The following SLC7A5 variants were observed in gnomAD, a reference collection of about 807,000 sequenced individuals.
The protein encoded by SLC7A5 is solute carrier family 7 member 5.
A neutral mutation model predicts 50.2 loss-of-function variants in SLC7A5; 23 were observed. The ratio of observed to expected loss-of-function variants is 0.46; its 90% confidence interval spans 0.33 to 0.65. SLC7A5 has a LOEUF of 0.65. Among genes scored for constraint, SLC7A5 ranks in the 30% least tolerant of loss-of-function variants. SLC7A5 has a pLI of 0.02. For synonymous variants in SLC7A5, 393 were observed against 330.6 expected (o/e 1.19, Z -2.05); for missense variants, 578 against 684.4 (o/e 0.84, Z 1.73).
intron 4 of SLC7A5, 37 bp downstream of exon 4, chr16:87,840,392 A>G (rs772434268): frequency 5.7e-6 from 9 of 1,573,134 alleles, no homozygotes; most frequent in Non-Finnish European, 7.9e-6. Flanking sequence ...ACATTAAAAT[A>G]ATGAAAAAAG....
Position 87,833,462 on chromosome 16 carries a change from T to TCG in SLC7A5, c.1469-439_1469-438dup, listed in dbSNP as rs2054957554. On this transcript the variant is annotated intron_variant, in intron 9 of 9. Coordinates refer to ENST00000261622, the MANE Select transcript of SLC7A5 (RefSeq NM_003486.7). The surrounding 1 kb of genome is among the most constrained non-coding windows in gnomAD (Gnocchi z 6.0). ...TGCTAACGGGTCCTCGGAAGACCTG[T>TCG]CGCGCCTGGGACTGTCTACAGAGAC... Among the ~76,000 whole-genome samples, 1 of 152,150 alleles carries TCG rather than the reference T, an allele frequency of 6.6e-6. No individual in the cohort carries two copies. Among genetic ancestry groups the TCG allele is most frequent in the African/African-American group, 2.4e-5 (1 of 41,432 alleles).
chr16:87,833,191 T>C lies in SLC7A5; in HGVS notation c.1469-166A>G, dbSNP rs1161654168. 1.3e-5 allele frequency among the ~76,000 whole-genome samples: 2 copies of C among 152,224 alleles called. No homozygotes were observed. The highest frequency in any genetic ancestry group is 4.8e-5 in the African/African-American group (2 of 41,460). The stretch of plus-strand genomic sequence containing the variant: ...TCCCTTGTGTACTTGCGCATGTGGG[T>C]GCCGGGTGCCCGAGGCGCTGTCTTC... On this transcript the variant is annotated intron_variant, in intron 9 of 9. Transcript: ENST00000261622. The surrounding 1 kb of genome is among the most constrained non-coding windows in gnomAD (Gnocchi z 6.0).
chr16:87,833,066 G>C lies in SLC7A5; in HGVS notation c.1469-41C>G, dbSNP rs757669717. The C allele has an allele frequency of 5.1e-6, 8 of 1,575,538 alleles. No homozygotes were observed. The South Asian group carries it at 7.7e-5, about 15-fold the overall frequency. ...ACAGCTGTGTTAGCCTGGGGGCTGG[G>C]TAGGCACCCGTGGGACACGGGGGCG... On this transcript the variant is annotated intron_variant, in intron 9 of 9. Transcript: ENST00000261622. This position sits in a 1 kb window ranked among gnomAD's most constrained non-coding sequence, Gnocchi z 6.0.
At chr16:87,850,980 C>T (rs1366942983) in intron 2 of SLC7A5, among the ~76,000 whole-genome samples, 1 of 152,204 alleles carries the variant, frequency 6.6e-6, no homozygotes, top group Non-Finnish European at 1.5e-5. Flanking sequence ...GGCTGTTTCA[C>T]ACTCACTCTC....
rs2055409890 is a variant in SLC7A5, at chr16:87,862,371, C to T, written c.538+6514G>A. 1.3e-5 allele frequency among the ~76,000 whole-genome samples: 2 copies of T among 152,196 alleles called. No individual in the cohort carries two copies. Among genetic ancestry groups the T allele is most frequent in the Non-Finnish European group, 2.9e-5 (2 of 68,022 alleles). On this transcript the variant is annotated intron_variant, in intron 1 of 9. Transcript: ENST00000261622. The surrounding 1 kb of genome is among the most constrained non-coding windows in gnomAD (Gnocchi z 5.3). ...AGTCCACTGACCACAGCTAAGCCCA[C>T]AGCCATCAAAACCCACCCCTTACAC...
In SLC7A5 at chr16:87,861,755, G is replaced by T. The variant is rs2055401439; in HGVS notation, c.538+7130C>A. Among the ~76,000 whole-genome samples, 3 of 152,206 alleles carry T rather than the reference G, an allele frequency of 2.0e-5. No homozygotes were observed. The highest frequency in any genetic ancestry group is 2.0e-4 in the Admixed American group (3 of 15,284). On this transcript the variant is annotated intron_variant, in intron 1 of 9. Transcript: ENST00000261622. The surrounding 1 kb of genome is among the most constrained non-coding windows in gnomAD (Gnocchi z 4.2). ...GCACATTCTGCTGGATTATGAAAGA[G>T]GTCTGTGACCCAAGAAAAAAGGGTC... is the stretch of plus-strand genomic sequence containing the variant.
chr16:87,840,987 T>G, intron 3 of SLC7A5, 63 bp downstream of exon 3: 1 of 1,162,740 alleles, frequency 8.6e-7, no homozygotes, highest in Non-Finnish European at 1.3e-6. Flanking sequence ...AGATTTGGGA[T>G]TCCTGGACAC....
At chr16:87,844,417 G>A (rs1597500254) in intron 2 of SLC7A5, among the ~76,000 whole-genome samples, 1 of 152,196 alleles carries the variant, frequency 6.6e-6, no homozygotes, top group African/African-American at 2.4e-5. Context: ...CCTGAGTCAG[G>A]CAGATGCGGC....
intron 5 of SLC7A5, 112 bp from the exon 6 acceptor site, chr16:87,838,929 G>A (rs2055047401): frequency 1.3e-6 from 1 of 793,906 alleles, no homozygotes; most frequent in Admixed American, 2.0e-5. Flanking sequence ...GCTCACAAGA[G>A]CCCTCTGCAG....
At chr16:87,846,042 C>G (rs1038222568) in intron 2 of SLC7A5, among the ~76,000 whole-genome samples, 1 of 152,134 alleles carries the variant, frequency 6.6e-6, no homozygotes, top group Non-Finnish European at 1.5e-5. Context: ...GGTCAAGCAT[C>G]CTTTATCAAC....
intron 1 of SLC7A5, among the ~76,000 whole-genome samples, chr16:87,864,741 C>A (rs1268603489): frequency 1.3e-5 from 2 of 152,222 alleles, no homozygotes; most frequent in Non-Finnish European, 2.9e-5. Flanking sequence ...ATCAGCTAGT[C>A]AGACGTGCAT....
intron 1 of SLC7A5, among the ~76,000 whole-genome samples, chr16:87,854,371 G>A (rs1237406338): frequency 2.6e-5 from 4 of 152,212 alleles, no homozygotes; most frequent in African/African-American, 9.6e-5. Context: ...ATTCTCCACA[G>A]TGTCCTTTTT....
At chr16:87,838,330 C>G (rs1437194289) in intron 6 of SLC7A5, among the ~76,000 whole-genome samples, 1 of 130,074 alleles carries the variant, frequency 7.7e-6, no homozygotes, top group African/African-American at 3.1e-5. Context: ...CTCACTTTGT[C>G]ACCCAGGCTG....
At chr16:87,857,539 T>G (rs1211392865) in intron 1 of SLC7A5, among the ~76,000 whole-genome samples, 1 of 152,244 alleles carries the variant, frequency 6.6e-6, no homozygotes, top group African/African-American at 2.4e-5. Flanking sequence ...CACCTTGGCC[T>G]CCCAAAGTGT....
chr16:87,851,747 A>T lies in SLC7A5; in HGVS notation c.641T>A (p.Leu214Gln), dbSNP rs1310898327. 33 of 1,613,168 alleles carry T rather than the reference A, an allele frequency of 2.0e-5. No homozygotes were observed. Among genetic ancestry groups the T allele is most frequent in the Non-Finnish European group, 2.7e-5 (32 of 1,179,928 alleles). Residue 214 changes from leucine to glutamine, a missense_variant, in exon 2 of 10, where the codon CTG (leucine) becomes CAG (glutamine). Leu to Gln is a moderately radical substitution (Grantham distance 113). Around this residue, in one of 2 missense-constraint regions of SLC7A5, gnomAD observed 465 missense variants for 594.6 expected, o/e 0.78. Coordinates refer to ENST00000261622, the MANE Select transcript of SLC7A5 (RefSeq NM_003486.7). ...ACCCTTCCCGATCTGGACGAAGCCC[A>T]GCAGGATGATCAGGGCCAGGGCCAG... ...KLLALALIIL[L>Q]GFVQIGKGDV...
Position 87,841,007 on chromosome 16 carries a change from T to C in SLC7A5, c.770+43A>G. The stretch of plus-strand genomic sequence containing the variant: ...TGGGATTCCTGGACACGTCAGGGAC[T>C]GTATGTCCCCAGACCAAGGGACCCA... On this transcript the variant is annotated intron_variant, in intron 3 of 9. Coordinates refer to ENST00000261622, the MANE Select transcript of SLC7A5 (RefSeq NM_003486.7). The surrounding 1 kb of genome is among the most constrained non-coding windows in gnomAD (Gnocchi z 4.8). The C allele has an allele frequency of 7.3e-7, 1 of 1,367,830 alleles. No homozygotes were observed. The allele number at this position is 1,367,830 out of a possible 1,614,324, so 84.7% of individuals were successfully genotyped here.
At chr16:87,838,575 G>C (rs1444053732) in intron 6 of SLC7A5, 139 bp downstream of exon 6, 2 of 735,730 alleles carry the variant, frequency 2.7e-6, no homozygotes, top group Non-Finnish European at 4.9e-6. Context: ...TTACAGGTAT[G>C]AGCCACCATG....
chr16:87,848,961 G>A (rs992230014), intron 2 of SLC7A5, among the ~76,000 whole-genome samples: 2 of 152,182 alleles, frequency 1.3e-5, no homozygotes, highest in Non-Finnish European at 2.9e-5. Flanking sequence ...CCTTTCCATA[G>A]CACAGGGCCC....
rs534459766 is a variant in SLC7A5, at chr16:87,855,954, G to A, written c.539-4105C>T. ...GTTGGCCACAGAGGCTGCTCCCTGG[G>A]CCGCCGGTCCTCACCTGCCCCCGAG... On this transcript the variant is annotated intron_variant, in intron 1 of 9. Coordinates refer to ENST00000261622, the MANE Select transcript of SLC7A5 (RefSeq NM_003486.7). Among the ~76,000 whole-genome samples the A allele has an allele frequency of 2.5e-3, 374 of 152,308 alleles. 2 individuals are homozygous for A. The highest frequency in any genetic ancestry group is 8.5e-3 in the African/African-American group (352 of 41,572).
Sources: gnomAD v4.1 joint callset for allele counts (sites outside exome capture counted in the v4.1 genomes callset) on GRCh38, gnomAD v4.1.1 for gene constraint, gnomAD v4.1.1 regional missense constraint, Gnocchi (gnomAD v3.1) non-coding constraint, MANE v1.5 for transcripts, NCBI Gene and HGNC (gene_info 2026-07-23, HGNC 2026-07-21) for gene names.